The following NXPH1 variants were observed in gnomAD, a reference collection of about 807,000 sequenced individuals.
NXPH1 encodes neurexophilin 1.
In NXPH1, 5 loss-of-function variants were observed where a neutral mutation model predicts 23.7. That is an observed-to-expected ratio of 0.21 (90% confidence interval 0.11 to 0.44). The LOEUF (loss-of-function observed/expected upper bound fraction) is 0.44. Ranked by LOEUF, NXPH1 falls within the 20% of genes least tolerant of loss-of-function variation. NXPH1 has a pLI of 0.99. For missense variants in NXPH1, 324 were observed against 321.6 expected (o/e 1.01, Z -0.06); for synonymous variants, 144 against 122.2 (o/e 1.18, Z -1.18).
intron 2 of NXPH1, among the ~76,000 whole-genome samples, chr7:8,655,613 G>T (rs1451544012): frequency 6.8e-6 from 1 of 147,156 alleles, no homozygotes; most frequent in Non-Finnish European, 1.5e-5. Flanking sequence ...TGTGTGTGAT[G>T]GTCATATCTC....
At chr7:8,474,767 C>T (rs1433778178) in intron 2 of NXPH1, among the ~76,000 whole-genome samples, 1 of 152,104 alleles carries the variant, frequency 6.6e-6, no homozygotes. Context: ...TTTTTCATGT[C>T]TCTTTTTTCC....
chr7:8,694,415 G>A (rs1236637372), intron 2 of NXPH1, among the ~76,000 whole-genome samples: 2 of 152,144 alleles, frequency 1.3e-5, no homozygotes, highest in African/African-American at 2.4e-5. Flanking sequence ...CCACAGGGAT[G>A]ACATTTTTTG....
At chr7:8,606,885 G>GA (rs201578675) in intron 2 of NXPH1, among the ~76,000 whole-genome samples, 2,240 of 152,142 alleles carry the variant, frequency 0.015, 57 homozygotes, top group African/African-American at 0.051. Context: ...ATAGTTTCTT[G>GA]AAAATATTTT....
At chr7:8,600,358 C>T (rs371009536) in intron 2 of NXPH1, among the ~76,000 whole-genome samples, 4 of 152,130 alleles carry the variant, frequency 2.6e-5, no homozygotes, top group African/African-American at 4.8e-5. Context: ...ATGCTTTTGC[C>T]CATTCAGTGC....
In NXPH1 at chr7:8,751,397, A is replaced by G. The variant is rs1780562780; in HGVS notation, c.444A>G (p.Thr148=). 5.0e-6 allele frequency: 8 copies of G among 1,613,776 alleles called. No homozygotes were observed. The highest frequency in any genetic ancestry group is 1.7e-5 in the Admixed American group (1 of 59,922). ...TGKIVDHGNG[T]FSVYFRHNST... ...AAATTGTAGATCATGGCAATGGGAC[A>G]TTTAGTGTTTATTTCAGGCATAATT... The change falls in exon 3 of 3, where the codon ACA becomes ACG. Residue 148 remains threonine (T), a synonymous_variant. Coordinates refer to ENST00000405863, the MANE Select transcript of NXPH1 (RefSeq NM_152745.3). This position sits in a 1 kb window ranked among gnomAD's most constrained non-coding sequence, Gnocchi z 4.5.
intron 2 of NXPH1, among the ~76,000 whole-genome samples, chr7:8,699,190 T>G (rs1334419285): frequency 6.6e-6 from 1 of 152,156 alleles, no homozygotes; most frequent in Non-Finnish European, 1.5e-5. Flanking sequence ...GTTTTCTCAT[T>G]TTTCATTTTA....
intron 2 of NXPH1, among the ~76,000 whole-genome samples, chr7:8,554,493 T>C (rs558071610): frequency 6.6e-6 from 1 of 151,830 alleles, no homozygotes; most frequent in South Asian, 2.1e-4. Flanking sequence ...GCTGCAGTCC[T>C]CTGTACCCTG....
chr7:8,668,888 G>A (rs1014044925), intron 2 of NXPH1, among the ~76,000 whole-genome samples: 7 of 151,888 alleles, frequency 4.6e-5, no homozygotes, highest in African/African-American at 9.7e-5. Context: ...TAGTTAGGCC[G>A]AACCCTGGGT....
intron 2 of NXPH1, among the ~76,000 whole-genome samples, chr7:8,496,608 C>T (rs1048404199): frequency 1.3e-5 from 2 of 151,984 alleles, no homozygotes; most frequent in African/African-American, 4.8e-5. Flanking sequence ...CCCAGACAGG[C>T]TACAGTAGCA....
chr7:8,692,258 G>A (rs1203424855), intron 2 of NXPH1, among the ~76,000 whole-genome samples: 1 of 152,140 alleles, frequency 6.6e-6, no homozygotes, highest in African/African-American at 2.4e-5. Flanking sequence ...ATATTTAGAA[G>A]ATCACTCGGA....
At chr7:8,629,212 T>C (rs1036225752) in intron 2 of NXPH1, among the ~76,000 whole-genome samples, 3 of 152,116 alleles carry the variant, frequency 2.0e-5, no homozygotes, top group African/African-American at 7.2e-5. Flanking sequence ...AAATCCAATA[T>C]GTAAACACAA....
intron 2 of NXPH1, among the ~76,000 whole-genome samples, chr7:8,641,052 T>C (rs1820299859): frequency 6.6e-6 from 1 of 152,200 alleles, no homozygotes. Flanking sequence ...AGCATTTTAA[T>C]TGCACAGACT....
At chr7:8,476,706 TA>T (rs139818858) in intron 2 of NXPH1, among the ~76,000 whole-genome samples, 75,361 of 151,568 alleles carry the variant, frequency 0.5, 19,588 homozygotes, top group East Asian at 0.78. Flanking sequence ...TTAATAAAGA[TA>T]AAAAAAATAA....
intron 2 of NXPH1, among the ~76,000 whole-genome samples, chr7:8,481,869 C>G (rs79595821): frequency 0.05 from 7,579 of 152,204 alleles, 340 homozygotes; most frequent in African/African-American, 0.12. Flanking sequence ...TGTTACCATC[C>G]AAATGACTTC....
At chr7:8,689,410 T>C (rs1821194508) in intron 2 of NXPH1, among the ~76,000 whole-genome samples, 1 of 151,828 alleles carries the variant, frequency 6.6e-6, no homozygotes, top group Non-Finnish European at 1.5e-5. Flanking sequence ...CAACACCTTG[T>C]AAAAGTATGG....
intron 2 of NXPH1, among the ~76,000 whole-genome samples, chr7:8,669,155 G>A (rs751010985): frequency 3.3e-5 from 5 of 152,188 alleles, no homozygotes; most frequent in Admixed American, 6.5e-5. Context: ...CCTGGACCTC[G>A]GGTCTGCTGG....
intron 2 of NXPH1, among the ~76,000 whole-genome samples, chr7:8,675,034 G>C (rs1396513838): frequency 6.6e-6 from 1 of 152,092 alleles, no homozygotes. Flanking sequence ...TTTTGGACTG[G>C]GTATGGATGA....
At chr7:8,544,681 T>C (rs1818173665) in intron 2 of NXPH1, among the ~76,000 whole-genome samples, 2 of 151,614 alleles carry the variant, frequency 1.3e-5, no homozygotes, top group Admixed American at 1.3e-4. Context: ...TCTTAAAAAT[T>C]TTACTTATCA....
rs955939640 is a variant in NXPH1 at position 8,434,515 on chromosome 7, C to T, written c.-351C>T. On this transcript the variant is annotated 5_prime_UTR_variant, in exon 1 of 3. Transcript: ENST00000405863. The surrounding 1 kb of genome is among the most constrained non-coding windows in gnomAD (Gnocchi z 7.6). ...CTCTTGCCTCTTAAGTTTCCTGCAC[C>T]GTGAATCCAACTGTGCCAAGCCTTG... is the stretch of plus-strand genomic sequence containing the variant. 47 of 152,890 alleles carry T rather than the reference C, an allele frequency of 3.1e-4. 1 individual carries two copies. Among genetic ancestry groups the T allele is most frequent in the Non-Finnish European group, 4.4e-5 (3 of 68,236 alleles). The allele number at this position is 152,890 out of a possible 1,614,324, so 9.5% of individuals were successfully genotyped here.
Sources: allele counts gnomAD v4.1 joint callset (sites outside exome capture counted in the v4.1 genomes callset), GRCh38; gene constraint gnomAD v4.1.1; non-coding constraint Gnocchi (gnomAD v3.1); transcripts MANE v1.5; gene names NCBI Gene and HGNC (gene_info 2026-07-23, HGNC 2026-07-21).